MALRD1: variants seen among roughly 807,000 people sequenced by gnomAD.
The protein encoded by MALRD1 is MAM and LDL-receptor class A domain-containing protein 1.
Under a neutral mutation model 242.1 loss-of-function variants are expected in MALRD1, and 247 were observed. The observed-to-expected ratio is 1.02, with a 90% CI of 0.92 to 1.13. The LOEUF (loss-of-function observed/expected upper bound fraction) is 1.13. Among genes scored for constraint, MALRD1 ranks in the 50% most tolerant of loss-of-function variants. The pLI, the probability that MALRD1 is intolerant of heterozygous loss-of-function variation, is 0.00. For synonymous variants in MALRD1, 995 were observed against 866.6 expected (o/e 1.15, Z -2.60); for missense variants, 2,989 against 2,533.1 (o/e 1.18, Z -3.86).
intron 12 of MALRD1, among the ~76,000 whole-genome samples, chr10:19,155,796 A>G (rs1834121876): frequency 1.3e-5 from 2 of 152,226 alleles, no homozygotes; most frequent in Non-Finnish European, 2.9e-5. Flanking sequence ...ATACACGATT[A>G]TATGGAATAA....
intron 36 of MALRD1, among the ~76,000 whole-genome samples, chr10:19,620,996 C>CA (rs71388854): frequency 0.077 from 10,468 of 135,088 alleles, 1,006 homozygotes; most frequent in African/African-American, 0.24. Context: ...GAGCAACTAC[C>CA]AAAAAAAAAA....
chr10:19,710,415 T>C (rs1834055201), intron 38 of MALRD1: 1 of 152,244 alleles, frequency 6.6e-6, no homozygotes, highest in African/African-American at 2.4e-5. Context: ...TTGTAACTAA[T>C]ATCTCATATT....
chr10:19,732,733 C>T (rs1835347716), intron 39 of MALRD1, among the ~76,000 whole-genome samples: 1 of 152,038 alleles, frequency 6.6e-6, no homozygotes, highest in South Asian at 2.1e-4. Flanking sequence ...GGATTCTTTA[C>T]TTTCTACTGA....
intron 33 of MALRD1, among the ~76,000 whole-genome samples, chr10:19,592,862 T>C (rs1817538013): frequency 6.6e-6 from 1 of 152,044 alleles, no homozygotes; most frequent in South Asian, 2.1e-4. Context: ...CCTCATTTTT[T>C]AAAAAGAAAA....
intron 5 of MALRD1, among the ~76,000 whole-genome samples, chr10:19,110,837 A>T (rs919682649): frequency 6.6e-6 from 1 of 152,160 alleles, no homozygotes; most frequent in African/African-American, 2.4e-5. Context: ...ATCATTTTGT[A>T]CTAGTGTTAT....
intron 36 of MALRD1, among the ~76,000 whole-genome samples, chr10:19,642,770 T>C (rs566777576): frequency 1.3e-3 from 202 of 152,272 alleles, no homozygotes; most frequent in African/African-American, 4.5e-3. Flanking sequence ...TTTGAGAGCC[T>C]AGAGGGAAAG....
intron 21 of MALRD1, among the ~76,000 whole-genome samples, chr10:19,287,004 G>C (rs1217985393): frequency 6.6e-6 from 1 of 151,862 alleles, no homozygotes; most frequent in Non-Finnish European, 1.5e-5. Flanking sequence ...TGGGATGCAA[G>C]GCTGGTTCAA....
At chr10:19,587,123 G>C (rs199875033) in intron 33 of MALRD1, among the ~76,000 whole-genome samples, 190 of 152,314 alleles carry the variant, frequency 1.2e-3, no homozygotes, top group African/African-American at 4.4e-3. Flanking sequence ...TGCGTCCACT[G>C]TCTGGCACTC....
intron 26 of MALRD1, among the ~76,000 whole-genome samples, chr10:19,366,736 A>G (rs913173452): frequency 1.3e-5 from 2 of 152,110 alleles, no homozygotes; most frequent in Non-Finnish European, 2.9e-5. Context: ...GAAAATGTAT[A>G]TACACATCTC....
chr10:19,698,842 G>A (rs1833490511), intron 38 of MALRD1, among the ~76,000 whole-genome samples: 1 of 152,142 alleles, frequency 6.6e-6, no homozygotes, highest in Admixed American at 6.6e-5. Context: ...AAAGACTGTG[G>A]TATGGAATAC....
chr10:19,272,146 G>C (rs1040677899), intron 19 of MALRD1, among the ~76,000 whole-genome samples: 1 of 151,966 alleles, frequency 6.6e-6, no homozygotes, highest in Non-Finnish European at 1.5e-5. Context: ...AGACTTAAAT[G>C]TGCAAACCAC....
In MALRD1 at chr10:19,128,375, G is replaced by C; in HGVS notation, c.1098G>C (p.Leu366=). Residue 366 remains leucine (L), a synonymous_variant, in exon 8 of 40, where the codon CTG becomes CTC. Transcript: ENST00000454679. ...AAAGCAGTGTCCTGAGAGTAAGACTGTATAATAATAAGGTAAGAAGAAAGT... is the reference window on the plus strand; with the variant it reads ...AAAGCAGTGTCCTGAGAGTAAGACTCTATAATAATAAGGTAAGAAGAAAGT... ...AMESSVLRVR[L]YNNKEEEIFW... The C allele has an allele frequency of 8.1e-7, 1 of 1,232,808 alleles. No individual in the cohort carries two copies. The highest frequency in any genetic ancestry group is 1.0e-6 in the Non-Finnish European group (1 of 987,312). 76.4% of individuals were successfully genotyped at this position (1,232,808 alleles called of 1,614,324 possible). A position where few individuals can be genotyped will look rare whatever the true frequency, so the allele number is the denominator to read the frequency against.
At chr10:19,640,717 C>A (rs1410476859) in intron 36 of MALRD1, among the ~76,000 whole-genome samples, 2 of 152,064 alleles carry the variant, frequency 1.3e-5, no homozygotes, top group Non-Finnish European at 2.9e-5. Context: ...AAAAAGGTTT[C>A]TTTTAAAATT....
chr10:19,635,630 GA>G (rs1243391517), intron 36 of MALRD1, among the ~76,000 whole-genome samples: 1 of 152,144 alleles, frequency 6.6e-6, no homozygotes, highest in African/African-American at 2.4e-5. Context: ...TGAATAGATG[GA>G]AAAGCTACAA....
At chr10:19,620,995 C>T (rs1420059376) in intron 36 of MALRD1, among the ~76,000 whole-genome samples, 2 of 144,822 alleles carry the variant, frequency 1.4e-5, no homozygotes, top group African/African-American at 5.3e-5. Context: ...AGAGCAACTA[C>T]CAAAAAAAAA....
intron 32 of MALRD1, among the ~76,000 whole-genome samples, chr10:19,552,554 G>T (rs1024944370): frequency 1.1e-3 from 162 of 150,490 alleles, no homozygotes; most frequent in Middle Eastern, 3.4e-3. Context: ...TTGAATTTTT[G>T]TGTGTGTGTG....
At chr10:19,350,043 G>A (rs1844304831) in intron 25 of MALRD1, among the ~76,000 whole-genome samples, 1 of 152,062 alleles carries the variant, frequency 6.6e-6, no homozygotes, top group Non-Finnish European at 1.5e-5. Flanking sequence ...AGTAAGGAAA[G>A]ATTGTGCTAG....
intron 14 of MALRD1, among the ~76,000 whole-genome samples, chr10:19,180,836 T>C (rs1325960346): frequency 2.0e-5 from 3 of 152,150 alleles, no homozygotes; most frequent in Admixed American, 2.0e-4. Flanking sequence ...GGGGTTAATA[T>C]TCAAAATTTA....
intron 29 of MALRD1, among the ~76,000 whole-genome samples, chr10:19,483,982 T>C (rs1837133243): frequency 6.6e-6 from 1 of 152,156 alleles, no homozygotes; most frequent in Non-Finnish European, 1.5e-5. Context: ...GCAACATGGA[T>C]GTAGCTGAAG....
Sources: allele counts gnomAD v4.1 joint callset (sites outside exome capture counted in the v4.1 genomes callset), GRCh38; gene constraint gnomAD v4.1.1; transcripts MANE v1.5; gene names NCBI Gene and HGNC (gene_info 2026-07-23, HGNC 2026-07-21).